SEMA6D: variants seen among roughly 807,000 people sequenced by gnomAD.
SEMA6D encodes semaphorin 6D.
Under a neutral mutation model 106.6 loss-of-function variants are expected in SEMA6D, and 35 were observed. The ratio of observed to expected loss-of-function variants is 0.33; its 90% confidence interval spans 0.25 to 0.44. SEMA6D has a LOEUF of 0.44. Among genes scored for constraint, SEMA6D ranks in the 20% least tolerant of loss-of-function variants. The pLI is 1.00. For missense variants in SEMA6D, 1,185 were observed against 1,345.9 expected (o/e 0.88, Z 1.87); for synonymous variants, 499 against 487.7 (o/e 1.02, Z -0.31).
chr15:47,677,581 T>G (rs2078271365), intron 4 of SEMA6D, among the ~76,000 whole-genome samples: 1 of 152,168 alleles, frequency 6.6e-6, no homozygotes, highest in Admixed American at 6.5e-5. Flanking sequence ...AAAAAGGCAG[T>G]TTGCCATAGT....
At chr15:47,214,644 C>A (rs2030385145) in intron 1 of SEMA6D, among the ~76,000 whole-genome samples, 1 of 152,150 alleles carries the variant, frequency 6.6e-6, no homozygotes, top group Non-Finnish European at 1.5e-5. Context: ...GTTAGAAATT[C>A]TCTTTGGACT....
chr15:47,629,730 T>C (rs2077261858), intron 4 of SEMA6D, among the ~76,000 whole-genome samples: 2 of 151,874 alleles, frequency 1.3e-5, no homozygotes, highest in Admixed American at 6.6e-5. Flanking sequence ...ATCTCTGGTA[T>C]CTATTATTCT....
intron 1 of SEMA6D, among the ~76,000 whole-genome samples, chr15:47,207,408 TGTCA>T: frequency 6.6e-6 from 1 of 152,280 alleles, no homozygotes; most frequent in East Asian, 1.9e-4. Flanking sequence ...AGTAGGCAAT[TGTCA>T]GTCAGAAAAC....
chr15:47,766,323 G>T, intron 15 of SEMA6D, 141 bp downstream of exon 15: 1 of 725,734 alleles, frequency 1.4e-6, no homozygotes, highest in Non-Finnish European at 2.3e-6. Flanking sequence ...AAAACCAGGA[G>T]ACGTGACAAG....
chr15:47,267,732 ATCT>A (rs1363309451), intron 1 of SEMA6D, among the ~76,000 whole-genome samples: 3 of 151,914 alleles, frequency 2.0e-5, no homozygotes, highest in Admixed American at 2.0e-4. Flanking sequence ...TTGTTTTATC[ATCT>A]TCTTTTTGAA....
At chr15:47,195,705 A>C (rs1488577978) in intron 1 of SEMA6D, among the ~76,000 whole-genome samples, 1 of 152,074 alleles carries the variant, frequency 6.6e-6, no homozygotes, top group East Asian at 1.9e-4. Flanking sequence ...TCGGGGTTCC[A>C]CTGCATCTTG....
At chr15:47,551,708 T>TG (rs1479596722) in intron 3 of SEMA6D, among the ~76,000 whole-genome samples, 1 of 152,068 alleles carries the variant, frequency 6.6e-6, no homozygotes, top group African/African-American at 2.4e-5. Flanking sequence ...TGTCCCCTTA[T>TG]GCACCTGCAT....
chr15:47,193,989 A>G (rs1894153684), intron 1 of SEMA6D, among the ~76,000 whole-genome samples: 1 of 152,038 alleles, frequency 6.6e-6, no homozygotes. Context: ...TTGTGATTAC[A>G]TTTGTTCCCT....
chr15:47,481,024 G>T (rs1015750705), intron 3 of SEMA6D, among the ~76,000 whole-genome samples: 1 of 152,144 alleles, frequency 6.6e-6, no homozygotes, highest in Non-Finnish European at 1.5e-5. Context: ...TTATAAGGCT[G>T]CCTCCACTAT....
At chr15:47,453,806 A>G (rs2042262712) in intron 2 of SEMA6D, among the ~76,000 whole-genome samples, 3 of 151,932 alleles carry the variant, frequency 2.0e-5, no homozygotes, top group Non-Finnish European at 2.9e-5. Context: ...CATGCCTTAC[A>G]CAGGCTTGAA....
At chr15:47,618,179 T>G (rs1348281946) in intron 4 of SEMA6D, among the ~76,000 whole-genome samples, 4 of 152,208 alleles carry the variant, frequency 2.6e-5, no homozygotes, top group Non-Finnish European at 5.9e-5. Context: ...AGTGCTTAGA[T>G]GGCTAACAAC....
chr15:47,367,678 A>ACGTGCGCGCGCGCG (rs1555428920), intron 1 of SEMA6D, among the ~76,000 whole-genome samples: 4 of 137,590 alleles, frequency 2.9e-5, no homozygotes, highest in East Asian at 4.1e-4. Context: ...GCACGCTCAC[A>ACGTGCGCGCGCGCG]CGCGCGCGCG....
chr15:47,446,563 G>A (rs1234153404), intron 2 of SEMA6D, among the ~76,000 whole-genome samples: 1 of 152,130 alleles, frequency 6.6e-6, no homozygotes, highest in African/African-American at 2.4e-5. Context: ...TCATAATCCA[G>A]TGGCAGGCCT....
intron 4 of SEMA6D, among the ~76,000 whole-genome samples, chr15:47,663,489 A>G (rs995623611): frequency 6.6e-6 from 1 of 152,212 alleles, no homozygotes; most frequent in African/African-American, 2.4e-5. Context: ...CAATAGTAAT[A>G]GGGTTGGGAG....
intron 2 of SEMA6D, among the ~76,000 whole-genome samples, chr15:47,441,842 G>A (rs2041893316): frequency 6.6e-6 from 1 of 152,028 alleles, no homozygotes; most frequent in African/African-American, 2.4e-5. Context: ...ATTTGGGTCA[G>A]GATGGATGGA....
chr15:47,322,933 G>T (rs757618183), intron 1 of SEMA6D, among the ~76,000 whole-genome samples: 2 of 152,024 alleles, frequency 1.3e-5, no homozygotes, highest in Non-Finnish European at 2.9e-5. Flanking sequence ...ATTTGTTACC[G>T]CATAAATTTT....
In SEMA6D at chr15:47,544,997, G is replaced by A. The variant is rs547822468; in HGVS notation, c.-86-55868G>A. Reference sequence around the variant, plus strand: ...AGGGCAAGTTGTCATTAAAATTACAGACTTATCTAAAACTACTATAATGGG... The same window carrying A: ...AGGGCAAGTTGTCATTAAAATTACAAACTTATCTAAAACTACTATAATGGG... On this transcript the variant is annotated intron_variant, in intron 3 of 19. Coordinates refer to the SEMA6D transcript ENST00000558014. Among the ~76,000 whole-genome samples the A allele has an allele frequency of 3.3e-5, 5 of 152,160 alleles. No individual in the cohort carries two copies. The South Asian group carries it at 1.0e-3, about 32-fold the overall frequency.
At chr15:47,278,627 A>G (rs1007373886) in intron 1 of SEMA6D, among the ~76,000 whole-genome samples, 9 of 151,988 alleles carry the variant, frequency 5.9e-5, no homozygotes, top group Admixed American at 5.2e-4. Context: ...ATTAGATCCC[A>G]TTTGTCAATT....
intron 4 of SEMA6D, among the ~76,000 whole-genome samples, chr15:47,673,710 A>C (rs1228310068): frequency 6.6e-6 from 1 of 152,100 alleles, no homozygotes; most frequent in African/African-American, 2.4e-5. Context: ...ACGTGGGGGG[A>C]GAATTAGCCT....
Sources: gnomAD v4.1 joint callset for allele counts (sites outside exome capture counted in the v4.1 genomes callset) on GRCh38, gnomAD v4.1.1 for gene constraint, MANE v1.5 for transcripts, NCBI Gene and HGNC (gene_info 2026-07-23, HGNC 2026-07-21) for gene names.